Variants in NOP14 observed in about 807,000 individuals in gnomAD.
NOP14 encodes the protein NOP14 nucleolar protein.
NOP14 carries 57 observed loss-of-function variants against 101.6 expected under a neutral mutation model. The observed-to-expected ratio is 0.56, with a 90% CI of 0.45 to 0.70. NOP14 has a LOEUF of 0.70. Ranked by LOEUF, NOP14 falls within the 30% of genes least tolerant of loss-of-function variation. The pLI, the probability that NOP14 is intolerant of heterozygous loss-of-function variation, is 0.00. For synonymous variants in NOP14, 428 were observed against 424.0 expected, an observed-to-expected ratio of 1.01 and a Z score of -0.12; for missense variants, 1,134 against 1,075.5, an observed-to-expected ratio of 1.05 and a Z score of -0.76.
intron 13 of NOP14, among the ~76,000 whole-genome samples, chr4:2,943,328 TA>T (rs1714362850): frequency 1.3e-5 from 2 of 152,130 alleles, no homozygotes; most frequent in African/African-American, 4.8e-5. Context: ...GAGCTGGAAA[TA>T]GAGGACAGGG....
At chr4:2,952,695 A>G (rs952453789) in intron 5 of NOP14, among the ~76,000 whole-genome samples, 1 of 152,190 alleles carries the variant, frequency 6.6e-6, no homozygotes, top group African/African-American at 2.4e-5. Flanking sequence ...TAATCCCAGC[A>G]CTTTGGGAGG....
At chr4:2,940,236 G>C (rs1714052868) in intron 15 of NOP14, 1 of 154,342 alleles carries the variant, frequency 6.5e-6, no homozygotes, top group African/African-American at 2.4e-5. Flanking sequence ...GTTGGCTGGT[G>C]GCTTCTGAGG....
intron 17 of NOP14, 127 bp downstream of exon 17, chr4:2,939,061 G>C: frequency 6.7e-7 from 1 of 1,503,038 alleles, no homozygotes; most frequent in Admixed American, 1.7e-5. Context: ...AAGTGAACCT[G>C]CCTGGCTCCA....
chr4:2,944,595 C>T (rs941607035), intron 12 of NOP14, among the ~76,000 whole-genome samples: 23 of 152,088 alleles, frequency 1.5e-4, no homozygotes, highest in East Asian at 1.9e-4. Context: ...TTAGTAGAGA[C>T]GGGGTTTCGC....
chr4:2,952,270 C>T lies in NOP14; in HGVS notation c.870+5G>A, dbSNP rs1372900453. ...AGCCCTGCTCCTGAGGTGCTGCCAC[C>T]CTACCTCCAGCTTCCTGAGGTGCTC... is the stretch of plus-strand genomic sequence containing the variant. On this transcript the variant is annotated splice_donor_5th_base_variant and intron_variant, in intron 6 of 17. Transcript: ENST00000416614. The T allele has an allele frequency of 1.2e-6, 2 of 1,612,908 alleles. No homozygotes were observed. Among genetic ancestry groups the T allele is most frequent in the African/African-American group, 2.7e-5 (2 of 74,914 alleles).
chr4:2,942,607 G>C (rs566893360), intron 13 of NOP14, among the ~76,000 whole-genome samples: 3 of 152,304 alleles, frequency 2.0e-5, no homozygotes, highest in African/African-American at 2.4e-5. Context: ...AGACTTCCTG[G>C]GGCCTACTAG....
chr4:2,941,601 C>G lies in NOP14; in HGVS notation c.2180G>C (p.Ser727Thr). ...ALLTDHLADC[S>T]HPQELQELCQ... ...CCTCACCTGGAGCTCCTGCGGGTGGCTGCAGTCCGCCAGGTGATCCGTGAG... is the reference window on the plus strand; with the variant it reads ...CCTCACCTGGAGCTCCTGCGGGTGGGTGCAGTCCGCCAGGTGATCCGTGAG... The change falls in exon 15 of 18, where the codon AGC becomes ACC. Residue 727 changes from serine (S) to threonine (T), a missense_variant. Physicochemically the swap from Ser to Thr is moderately conservative, Grantham distance 58. Transcript: ENST00000416614. 1.2e-6 allele frequency: 2 copies of G among 1,612,632 alleles called. No homozygotes were observed. Among genetic ancestry groups the G allele is most frequent in the Non-Finnish European group, 1.7e-6 (2 of 1,179,840 alleles).
chr4:2,959,529 C>G (rs1406330228), intron 1 of NOP14, among the ~76,000 whole-genome samples: 3 of 152,068 alleles, frequency 2.0e-5, no homozygotes, highest in African/African-American at 4.8e-5. Flanking sequence ...GGAAGTGGAG[C>G]TTGCAGTGAG....
chr4:2,959,007 G>A (rs1040013090), intron 1 of NOP14, among the ~76,000 whole-genome samples: 4 of 152,114 alleles, frequency 2.6e-5, no homozygotes, highest in Non-Finnish European at 2.9e-5. Context: ...GAGGTCAACC[G>A]AAATATTAAT....
chr4:2,941,896 C>G (rs1178284779), intron 14 of NOP14, 167 bp from the exon 15 acceptor site: 2 of 787,746 alleles, frequency 2.5e-6, no homozygotes, highest in African/African-American at 3.5e-5. Flanking sequence ...AAGGCAGGCT[C>G]AGGGTCAGGC....
At position 2,938,747 on chromosome 4, in the gene NOP14, A is replaced by G. The variant is rs142706593; in HGVS notation, c.*84T>C. 9.5e-4 allele frequency: 1,082 copies of G among 1,137,976 alleles called. 10 individuals carry two copies. In the African/African-American group the frequency reaches 0.014, roughly 15 times the overall value. The allele number at this position is 1,137,976 out of a possible 1,614,324, so 70.5% of individuals were successfully genotyped here. A position where few individuals can be genotyped will look rare whatever the true frequency, so the allele number is the denominator to read the frequency against. ...GGTCTCGAACTCCTGGGCTGAAGCA[A>G]TCTTCCTGCCTTGGCCTCCCAGAGG... On this transcript the variant is annotated 3_prime_UTR_variant, in exon 18 of 18. Coordinates refer to ENST00000416614, the MANE Select transcript of NOP14 (RefSeq NM_001291978.2).
At chr4:2,942,440 C>T in intron 13 of NOP14, 89 bp from the exon 14 acceptor site, 1 of 1,335,470 alleles carries the variant, frequency 7.5e-7, no homozygotes, top group Admixed American at 1.9e-5. Flanking sequence ...GGAAGTTCAC[C>T]CTCTAACAGA....
In NOP14 at chr4:2,946,606, G is replaced by C. The variant is rs192062437; in HGVS notation, c.1500-59C>G. On this transcript the variant is annotated intron_variant, in intron 10 of 17. Transcript: ENST00000416614. ...GACTTTAGATAAGAAACACAGAAAA[G>C]CCCTGCAAGCCACTTTCCTATGCAG... is the stretch of plus-strand genomic sequence containing the variant. The C allele has an allele frequency of 3.9e-6, 6 of 1,539,800 alleles. No individual in the cohort carries two copies. The Admixed American group carries it at 5.1e-5, about 13-fold the overall frequency.
chr4:2,961,095 A>G (rs1231242954), intron 1 of NOP14, among the ~76,000 whole-genome samples: 1 of 38,720 alleles, frequency 2.6e-5, no homozygotes, highest in East Asian at 3.5e-4. Context: ...TTATAATAAT[A>G]TATTAATATT....
chr4:2,959,369 G>C (rs1303578915), intron 1 of NOP14, among the ~76,000 whole-genome samples: 3 of 152,170 alleles, frequency 2.0e-5, no homozygotes, highest in Non-Finnish European at 4.4e-5. Context: ...AAGGCGGGCG[G>C]ATCACGAGGT....
At chr4:2,950,380 A>G (rs999543947) in intron 7 of NOP14, 167 bp from the exon 8 acceptor site, 5 of 666,622 alleles carry the variant, frequency 7.5e-6, no homozygotes, top group Non-Finnish European at 1.3e-5. Flanking sequence ...CCTGCCCACC[A>G]CCCGCTTCTA....
At position 2,938,542 on chromosome 4, in the gene NOP14, A is replaced by G. The variant is rs1257628717; in HGVS notation, c.*289T>C. On this transcript the variant is annotated 3_prime_UTR_variant, in exon 18 of 18. Transcript: ENST00000416614. ...TTTTTTTTAAGCGACACAGTCTTGC[A>G]CTGTGGCCGAGGCTGGAGTGCAGTG... 2 of 448,080 alleles carry G rather than the reference A, an allele frequency of 4.5e-6. No individual in the cohort carries two copies. Among genetic ancestry groups the G allele is most frequent in the Admixed American group, 7.4e-5 (2 of 27,126 alleles). The allele number at this position is 448,080 out of a possible 1,614,324, so 27.8% of individuals were successfully genotyped here. A position where few individuals can be genotyped will look rare whatever the true frequency, so the allele number is the denominator to read the frequency against.
Position 2,960,886 on chromosome 4 carries a change from ATAT to A in NOP14, c.195+2236_195+2238del, listed in dbSNP as rs1337222288. On this transcript the variant is annotated intron_variant, in intron 1 of 17. Transcript: ENST00000416614. ...TTAATATTATAATTACATTATTATT[ATAT>A]TATTATATCAATATTATATTAATAT... 4.5e-4 allele frequency among the ~76,000 whole-genome samples: 50 copies of A among 111,298 alleles called. 5 individuals are homozygous for A. The highest frequency in any genetic ancestry group is 5.8e-4 in the African/African-American group (16 of 27,660). 73.0% of individuals were successfully genotyped at this position (111,298 alleles called of 152,430 possible).
rs200264907 is a variant in NOP14, at chr4:2,951,239, T to C, written c.877A>G (p.Arg293Gly). Residue 293 changes from arginine (R) to glycine (G), a missense_variant, in exon 7 of 18, where the codon AGA becomes GGA. Physicochemically the swap from Arg to Gly is moderately radical, Grantham distance 125 (BLOSUM62 -2). Transcript: ENST00000416614. ...TCCTTTCCAAGCATTCTTCGAAGTC[T>C]CTCAGCCTGAGCAGGAAGGAATGAG... The part of the protein sequence containing the change: ...QEHLRKLEAE[R>G]LRRMLGKDED... 3.1e-6 allele frequency: 5 copies of C among 1,613,804 alleles called. No homozygotes were observed. The highest frequency in any genetic ancestry group is 1.7e-5 in the Admixed American group (1 of 60,006).
Sources: allele counts gnomAD v4.1 joint callset (sites outside exome capture counted in the v4.1 genomes callset), GRCh38; gene constraint gnomAD v4.1.1; transcripts MANE v1.5; gene names NCBI Gene and HGNC (gene_info 2026-07-23, HGNC 2026-07-21).